Variants in SNX29 observed in about 807,000 individuals in gnomAD.
SNX29 encodes the protein sorting nexin 29, also known as sorting nexin-29.
SNX29 carries 78 observed loss-of-function variants against 102.1 expected under a neutral mutation model. The ratio of observed to expected loss-of-function variants is 0.76; its 90% confidence interval spans 0.64 to 0.92. The LOEUF (loss-of-function observed/expected upper bound fraction) is 0.92, where lower values mean the gene tolerates loss of function less well. SNX29 is among the 40% of genes least tolerant of loss of function. SNX29 has a pLI of 0.00. For missense variants in SNX29, 1,280 were observed against 1,061.7 expected (o/e 1.21, Z -2.86); for synonymous variants, 580 against 414.5 (o/e 1.40, Z -4.85).
At chr16:12,495,834 A>C (rs8058035) in intron 19 of SNX29, among the ~76,000 whole-genome samples, 2 of 152,110 alleles carry the variant, frequency 1.3e-5, no homozygotes, top group East Asian at 3.9e-4. Context: ...CAGGTGGATC[A>C]CTTGAGGTCA....
At chr16:12,013,500 A>AAATATATATATATATATAT in intron 3 of SNX29, among the ~76,000 whole-genome samples, 2 of 31,626 alleles carry the variant, frequency 6.3e-5, no homozygotes, top group African/African-American at 2.0e-4. Context: ...AAAAAAAAAA[A>AAATATATATATATATATAT]ATATATATAT....
In SNX29 at chr16:12,477,700, A is replaced by G. The variant is rs2151820280; in HGVS notation, c.2038-19A>G. ...TAATAAGGGTTTAAGAGGAATTCACATTTTCTCTTTCTTGACAGGTCTACA... is the reference window on the plus strand; with the variant it reads ...TAATAAGGGTTTAAGAGGAATTCACGTTTTCTCTTTCTTGACAGGTCTACA... On this transcript the variant is annotated intron_variant, in intron 18 of 20. Coordinates refer to ENST00000566228, the MANE Select transcript of SNX29 (RefSeq NM_032167.5). 4.4e-6 allele frequency: 7 copies of G among 1,604,670 alleles called. No individual in the cohort carries two copies. Among genetic ancestry groups the G allele is most frequent in the Non-Finnish European group, 5.9e-6 (7 of 1,177,756 alleles).
intron 11 of SNX29, among the ~76,000 whole-genome samples, chr16:12,121,966 C>T (rs1180399027): frequency 6.6e-6 from 1 of 152,150 alleles, no homozygotes; most frequent in African/African-American, 2.4e-5. Context: ...CAGGCACGCA[C>T]CATCACGCCT....
chr16:12,252,360 C>T (rs2078446670), intron 14 of SNX29, among the ~76,000 whole-genome samples: 3 of 152,176 alleles, frequency 2.0e-5, no homozygotes, highest in Non-Finnish European at 4.4e-5. Flanking sequence ...TGGCGGCTAC[C>T]TCTCATCTCC....
At chr16:12,016,665 G>C (rs192779795) in intron 3 of SNX29, among the ~76,000 whole-genome samples, 3 of 152,134 alleles carry the variant, frequency 2.0e-5, no homozygotes, top group Admixed American at 2.0e-4. Flanking sequence ...TTTCCCTAAT[G>C]ACTAATGATG....
intron 20 of SNX29, among the ~76,000 whole-genome samples, chr16:12,566,845 TTC>T (rs908263428): frequency 2.0e-5 from 3 of 152,188 alleles, no homozygotes; most frequent in East Asian, 1.9e-4. Context: ...GGTCAAATGT[TTC>T]TTTTTCATCC....
At chr16:12,447,267 T>C (rs548222310) in intron 18 of SNX29, among the ~76,000 whole-genome samples, 2 of 149,918 alleles carry the variant, frequency 1.3e-5, no homozygotes, top group Admixed American at 1.3e-4. Flanking sequence ...ATCCAGGCAA[T>C]TGAAGAAGTC....
intron 19 of SNX29, among the ~76,000 whole-genome samples, chr16:12,508,415 T>G (rs900409911): frequency 1.3e-5 from 2 of 152,256 alleles, no homozygotes; most frequent in Non-Finnish European, 2.9e-5. Context: ...AGACTGTTTT[T>G]GATGGCCCAT....
rs1230368006 is a variant in SNX29, at chr16:12,027,218, G to T, written c.123-102G>T. ...TGTCTCCTGTCTGCCTTCACGCTGA[G>T]GTTTACACCTGGCGGCTTACTCACT... On this transcript the variant is annotated intron_variant, in intron 3 of 20. Transcript: ENST00000566228. The T allele has an allele frequency of 3.4e-6, 5 of 1,471,634 alleles. No homozygotes were observed. In the East Asian group the frequency reaches 9.3e-5, roughly 27 times the overall value. The allele number at this position is 1,471,634 out of a possible 1,614,324, so 91.2% of individuals were successfully genotyped here.
At chr16:12,546,746 T>C (rs1359509476) in intron 20 of SNX29, 1 of 149,486 alleles carries the variant, frequency 6.7e-6, no homozygotes, top group Non-Finnish European at 1.5e-5. Context: ...TAGGAGAAAA[T>C]TAGACATTTA....
chr16:12,496,099 G>A (rs210716), intron 19 of SNX29, among the ~76,000 whole-genome samples: 9,136 of 152,256 alleles, frequency 0.06, 364 homozygotes, highest in Non-Finnish European at 0.086. Flanking sequence ...AGAACTGAGA[G>A]GGGAATCAGC....
At position 12,552,617 on chromosome 16, in the gene SNX29, C is replaced by T. The variant is rs150196709; in HGVS notation, c.2319-15889C>T. Among the ~76,000 whole-genome samples the T allele has an allele frequency of 1.4e-3, 212 of 151,624 alleles. 5 individuals are homozygous for T. In the East Asian group the frequency reaches 0.034, roughly 24 times the overall value. On this transcript the variant is annotated intron_variant, in intron 20 of 20. Coordinates refer to ENST00000566228, the MANE Select transcript of SNX29 (RefSeq NM_032167.5). ...ATTCTCATGGGGATGACTAAAAAAG[C>T]AAAAACCAAACACCAAACAAATGGA...
intron 4 of SNX29, among the ~76,000 whole-genome samples, chr16:12,031,378 T>C (rs1244476029): frequency 6.6e-6 from 1 of 151,828 alleles, no homozygotes; most frequent in Non-Finnish European, 1.5e-5. Flanking sequence ...GGCCCAATCC[T>C]GTATTTTGAA....
intron 11 of SNX29, among the ~76,000 whole-genome samples, chr16:12,113,989 A>G (rs1219255526): frequency 6.6e-6 from 1 of 152,208 alleles, no homozygotes; most frequent in Non-Finnish European, 1.5e-5. Context: ...TGGGTTTGAA[A>G]TGCCATGCCA....
At chr16:12,009,681 G>A (rs1231567927) in intron 3 of SNX29, among the ~76,000 whole-genome samples, 1 of 152,046 alleles carries the variant, frequency 6.6e-6, no homozygotes, top group Non-Finnish European at 1.5e-5. Flanking sequence ...TCTCTTTGTT[G>A]GTGGTGTTTT....
intron 7 of SNX29, among the ~76,000 whole-genome samples, chr16:12,051,618 G>T (rs2050306714): frequency 6.6e-6 from 1 of 152,238 alleles, no homozygotes; most frequent in East Asian, 1.9e-4. Context: ...ACAGTTTCAA[G>T]ATGTGCTCTG....
At chr16:12,538,119 C>T (rs1006822894) in intron 20 of SNX29, among the ~76,000 whole-genome samples, 2 of 117,338 alleles carry the variant, frequency 1.7e-5, no homozygotes, top group African/African-American at 3.4e-5. Context: ...TTTCCCCTTG[C>T]ATTTTTTTAT....
chr16:12,176,087 G>T (rs538418799), intron 13 of SNX29, among the ~76,000 whole-genome samples: 6 of 146,892 alleles, frequency 4.1e-5, no homozygotes, highest in East Asian at 1.9e-4. Flanking sequence ...TGTGAGGAGT[G>T]GGGGGAAAAG....
At chr16:12,234,536 G>T (rs1009450052) in intron 14 of SNX29, among the ~76,000 whole-genome samples, 1 of 152,004 alleles carries the variant, frequency 6.6e-6, no homozygotes, top group East Asian at 1.9e-4. Flanking sequence ...TCTCGATGGT[G>T]TCCTTGAGGC....
Sources: allele counts gnomAD v4.1 joint callset (sites outside exome capture counted in the v4.1 genomes callset), GRCh38; gene constraint gnomAD v4.1.1; transcripts MANE v1.5; gene names NCBI Gene and HGNC (gene_info 2026-07-23, HGNC 2026-07-21).